The following SLC25A48 variants were observed in gnomAD, a reference collection of about 807,000 sequenced individuals.
SLC25A48 encodes the protein solute carrier family 25 member 48, also known as CTC-321K16.1.
Under a neutral mutation model 32.2 loss-of-function variants are expected in SLC25A48, and 29 were observed. The ratio of observed to expected loss-of-function variants is 0.90; its 90% CI spans 0.67 to 1.23. The LOEUF (loss-of-function observed/expected upper bound fraction) is 1.23. SLC25A48 is among the 50% of genes most tolerant of loss of function. SLC25A48 has a pLI of 0.00. For synonymous variants in SLC25A48, 164 were observed against 172.3 expected, an observed-to-expected ratio of 0.95 and a Z score of 0.38; for missense variants, 399 against 422.7, an observed-to-expected ratio of 0.94 and a Z score of 0.49.
chr5:135,604,058 A>T (rs556926510), intron 1 of SLC25A48, among the ~76,000 whole-genome samples: 2 of 152,300 alleles, frequency 1.3e-5, no homozygotes, highest in Admixed American at 1.3e-4. Context: ...TTTGACATGA[A>T]TTGTCTCATT....
At chr5:135,635,283 G>A (rs1339113535) in intron 3 of SLC25A48, among the ~76,000 whole-genome samples, 1 of 152,214 alleles carries the variant, frequency 6.6e-6, no homozygotes, top group Admixed American at 6.5e-5. Context: ...TCAGGGCTCT[G>A]AGAGGGATTG....
At chr5:135,722,759 T>A (rs1029640505) in intron 3 of SLC25A48, among the ~76,000 whole-genome samples, 11 of 152,254 alleles carry the variant, frequency 7.2e-5, no homozygotes, top group African/African-American at 2.2e-4. Flanking sequence ...GACCTCATCA[T>A]TGTCCGGACA....
intron 4 of SLC25A48, among the ~76,000 whole-genome samples, chr5:135,817,510 A>G (rs774289471): frequency 1.3e-5 from 2 of 152,216 alleles, no homozygotes; most frequent in African/African-American, 2.4e-5. Context: ...TCTTGCTCCC[A>G]AACTCAAATA....
At chr5:135,634,727 A>C (rs1227570799) in intron 2 of SLC25A48, 1 of 152,268 alleles carries the variant, frequency 6.6e-6, no homozygotes, top group African/African-American at 2.4e-5. Flanking sequence ...TGGGAGTCCC[A>C]AGACAGAGCT....
chr5:135,672,613 T>C (rs1271963085), intron 3 of SLC25A48, among the ~76,000 whole-genome samples: 3 of 152,188 alleles, frequency 2.0e-5, no homozygotes, highest in African/African-American at 7.2e-5. Context: ...GAAAGTGTGG[T>C]TGGGCAGCCA....
chr5:135,768,500 T>G (rs1468295258), intron 3 of SLC25A48, among the ~76,000 whole-genome samples: 1 of 151,320 alleles, frequency 6.6e-6, no homozygotes, highest in African/African-American at 2.4e-5. Flanking sequence ...ATACGTTTCA[T>G]AATGTCTGGG....
intron 3 of SLC25A48, among the ~76,000 whole-genome samples, chr5:135,671,992 C>T (rs930250428): frequency 6.6e-6 from 1 of 152,066 alleles, no homozygotes; most frequent in African/African-American, 2.4e-5. Flanking sequence ...ACTGGCCTTC[C>T]CAGAGGAATT....
At chr5:135,791,033 C>T (rs1757016598) in intron 3 of SLC25A48, among the ~76,000 whole-genome samples, 1 of 151,796 alleles carries the variant, frequency 6.6e-6, no homozygotes, top group Admixed American at 6.6e-5. Flanking sequence ...GTGTGTACAA[C>T]ATATGTGTTC....
chr5:135,603,214 A>G (rs760154667), intron 1 of SLC25A48, among the ~76,000 whole-genome samples: 1 of 152,224 alleles, frequency 6.6e-6, no homozygotes, highest in African/African-American at 2.4e-5. Flanking sequence ...TCATACATTC[A>G]TCTGGTTCCT....
chr5:135,746,461 C>A lies in SLC25A48; in HGVS notation c.-520-66062C>A. 3 of 230,186 alleles carry A rather than the reference C, an allele frequency of 1.3e-5. No individual in the cohort carries two copies. In the South Asian group the frequency reaches 1.8e-4, roughly 14 times the overall value. The allele number at this position is 230,186 out of a possible 1,614,324, so 14.3% of individuals were successfully genotyped here. On this transcript the variant is annotated intron_variant, in intron 3 of 10. Transcript: ENST00000646290. ...ACGTGAGGCACCTTCTCCATTCTGT[C>A]GCCTTTGCTGCCTTTGTGGTCACCG...
chr5:135,586,461 A>G (rs1051003099), intron 1 of SLC25A48, among the ~76,000 whole-genome samples: 2 of 152,234 alleles, frequency 1.3e-5, no homozygotes, highest in Non-Finnish European at 2.9e-5. Flanking sequence ...TTAACTGGCA[A>G]CCCTACATCC....
intron 3 of SLC25A48, among the ~76,000 whole-genome samples, chr5:135,785,727 T>C (rs1756825186): frequency 6.8e-6 from 1 of 147,212 alleles, no homozygotes; most frequent in African/African-American, 2.5e-5. Context: ...AGGGAGAGGG[T>C]GATGTTACTC....
intron 4 of SLC25A48, among the ~76,000 whole-genome samples, chr5:135,861,172 T>C (rs917860922): frequency 6.6e-6 from 1 of 152,234 alleles, no homozygotes; most frequent in African/African-American, 2.4e-5. Context: ...GTGATCATGC[T>C]ATATGGACAA....
intron 7 of SLC25A48, 75 bp from the exon 8 acceptor site, chr5:135,887,957 G>A: frequency 7.4e-7 from 1 of 1,359,222 alleles, no homozygotes; most frequent in Non-Finnish European, 1.0e-6. Context: ...AGGAAGGGGT[G>A]GCCTGGTGTG....
intron 3 of SLC25A48, among the ~76,000 whole-genome samples, chr5:135,686,815 G>A (rs968684498): frequency 3.3e-5 from 5 of 152,200 alleles, no homozygotes; most frequent in African/African-American, 9.6e-5. Context: ...TGGAAGTATG[G>A]GTGGATGGAA....
At chr5:135,765,277 T>A (rs575061056) in intron 3 of SLC25A48, among the ~76,000 whole-genome samples, 125 of 151,660 alleles carry the variant, frequency 8.2e-4, no homozygotes, top group South Asian at 1.9e-3. Flanking sequence ...TGTGATATGA[T>A]TTGTGATATT....
intron 3 of SLC25A48, among the ~76,000 whole-genome samples, chr5:135,666,337 T>C (rs1753524579): frequency 6.6e-6 from 1 of 152,232 alleles, no homozygotes; most frequent in Non-Finnish European, 1.5e-5. Context: ...AATCTGTATA[T>C]TTTAGACCAG....
intron 1 of SLC25A48, among the ~76,000 whole-genome samples, chr5:135,587,765 G>T (rs1161460764): frequency 6.6e-6 from 1 of 152,180 alleles, no homozygotes; most frequent in Non-Finnish European, 1.5e-5. Context: ...GCGATTTAAG[G>T]CCATAAAAGA....
At chr5:135,717,669 A>G (rs1754838365) in intron 3 of SLC25A48, among the ~76,000 whole-genome samples, 1 of 152,178 alleles carries the variant, frequency 6.6e-6, no homozygotes, top group Non-Finnish European at 1.5e-5. Context: ...AGGTTGGTGT[A>G]GATACAAGCC....
Sources: gnomAD v4.1 joint callset for allele counts (sites outside exome capture counted in the v4.1 genomes callset) on GRCh38, gnomAD v4.1.1 for gene constraint, MANE v1.5 for transcripts, NCBI Gene and HGNC (gene_info 2026-07-23, HGNC 2026-07-21) for gene names.